The following PPA2 variants were observed in gnomAD, a reference collection of about 807,000 sequenced individuals.
PPA2 encodes the protein inorganic pyrophosphatase 2, mitochondrial.
PPA2 carries 48 observed loss-of-function variants against 49.5 expected under a neutral mutation model. The ratio of observed to expected loss-of-function variants is 0.97; its 90% CI spans 0.77 to 1.23. The LOEUF is 1.23. PPA2 is among the 50% of genes most tolerant of loss of function. The probability of loss-of-function intolerance (pLI) is 0.00; values close to 1 mark genes in which losing one functional copy is unlikely to be tolerated. For missense variants in PPA2, 429 were observed against 410.1 expected (o/e 1.05, Z -0.40); for synonymous variants, 131 against 139.9 (o/e 0.94, Z 0.45).
chr4:105,408,773 T>G (rs1722602459), intron 7 of PPA2, among the ~76,000 whole-genome samples: 1 of 152,218 alleles, frequency 6.6e-6, no homozygotes, highest in South Asian at 2.1e-4. Context: ...ATTTTCAGAC[T>G]GTGCTAAAAG....
At position 105,399,068 on chromosome 4, in the gene PPA2, T is replaced by A. The variant is rs148930323; in HGVS notation, c.752A>T (p.Gln251Leu). 81 of 1,608,426 alleles carry A rather than the reference T, an allele frequency of 5.0e-5. No homozygotes were observed. The highest frequency in any genetic ancestry group is 5.0e-4 in the Middle Eastern group (3 of 6,026). The change falls in exon 8 of 12, where the codon CAG (glutamine) becomes CTG (leucine). Residue 251 changes from glutamine to leucine, a missense_variant. By Grantham distance (113) the Gln-to-Leu change is moderately radical. Coordinates refer to ENST00000341695, the MANE Select transcript of PPA2 (RefSeq NM_176869.3). ...TTTGAATTCTCCATTAAAAGCAAAC[T>A]GGTTTTCTGGTTTTCCATCTGGTAC... ...YKVPDGKPEN[Q>L]FAFNGEFKNK...
chr4:105,377,510 A>G (rs1331121637), intron 10 of PPA2, among the ~76,000 whole-genome samples: 1 of 152,154 alleles, frequency 6.6e-6, no homozygotes, highest in African/African-American at 2.4e-5. Context: ...AGATAATCTG[A>G]CTTCAGAAAA....
intron 5 of PPA2, 127 bp from the exon 6 acceptor site, chr4:105,438,163 T>C (rs1346808772): frequency 1.0e-5 from 7 of 685,062 alleles, no homozygotes; most frequent in East Asian, 2.8e-5. Flanking sequence ...AGAAATTACA[T>C]AGGCCCAAGG....
chr4:105,377,975 C>T (rs1322158335), intron 10 of PPA2, among the ~76,000 whole-genome samples: 2 of 152,046 alleles, frequency 1.3e-5, no homozygotes, highest in East Asian at 3.9e-4. Flanking sequence ...TTCTGTCTAT[C>T]ACAAAGAAAG....
chr4:105,370,959 T>C, intron 10 of PPA2, 86 bp from the exon 11 acceptor site: 4 of 1,301,272 alleles, frequency 3.1e-6, no homozygotes, highest in East Asian at 3.0e-5. Flanking sequence ...CACGAAATTA[T>C]AGAAGAAAGT....
intron 9 of PPA2, among the ~76,000 whole-genome samples, chr4:105,394,891 A>AC (rs1560610474): frequency 6.6e-6 from 1 of 151,880 alleles, no homozygotes; most frequent in Non-Finnish European, 1.5e-5. Context: ...ACAATCACAG[A>AC]CCCCCTCCTC....
chr4:105,439,889 G>A (rs1004293819), intron 5 of PPA2, among the ~76,000 whole-genome samples: 23 of 113,664 alleles, frequency 2.0e-4, no homozygotes, highest in Non-Finnish European at 3.7e-4. Flanking sequence ...TCCTGTGTGC[G>A]TGTTGTCACT....
intron 5 of PPA2, among the ~76,000 whole-genome samples, chr4:105,440,042 G>T (rs1219639286): frequency 6.6e-6 from 1 of 151,958 alleles, no homozygotes; most frequent in African/African-American, 2.4e-5. Flanking sequence ...ACCTACTGCA[G>T]AATCAGAAAA....
intron 7 of PPA2, 178 bp from the exon 8 acceptor site, chr4:105,399,342 T>A (rs1734269939): frequency 7.5e-6 from 4 of 535,736 alleles, no homozygotes; most frequent in Admixed American, 3.6e-5. Context: ...CAGACTTTTG[T>A]GTTTTCATAT....
chr4:105,374,283 G>T (rs1733148295), intron 10 of PPA2, among the ~76,000 whole-genome samples: 1 of 152,274 alleles, frequency 6.6e-6, no homozygotes, highest in Non-Finnish European at 1.5e-5. Context: ...TCCACGGCTG[G>T]GTGTGGTGGC....
At chr4:105,472,099 A>T (rs932091436) in intron 1 of PPA2, among the ~76,000 whole-genome samples, 1 of 152,192 alleles carries the variant, frequency 6.6e-6, no homozygotes, top group Non-Finnish European at 1.5e-5. Flanking sequence ...TATTCATCCA[A>T]TGCCTTCAGG....
At chr4:105,405,504 G>A in intron 7 of PPA2, 1 of 919,172 alleles carries the variant, frequency 1.1e-6, no homozygotes, top group Non-Finnish European at 1.3e-6. Context: ...GGAATGGAGA[G>A]GGAATATATA....
At chr4:105,407,085 A>C (rs1193113681) in intron 7 of PPA2, 1 of 115,940 alleles carries the variant, frequency 8.6e-6, no homozygotes, top group East Asian at 3.1e-4. Context: ...GAAGTGTTCC[A>C]TATTAAAAAA....
At chr4:105,399,235 G>T (rs2110394871) in intron 7 of PPA2, 71 bp from the exon 8 acceptor site, 1 of 1,454,570 alleles carries the variant, frequency 6.9e-7, no homozygotes, top group South Asian at 1.3e-5. Context: ...CAGAGCATTG[G>T]ACTGAGGGAG....
chr4:105,462,739 G>C (rs1467540898), intron 1 of PPA2, among the ~76,000 whole-genome samples: 1 of 152,176 alleles, frequency 6.6e-6, no homozygotes, highest in Non-Finnish European at 1.5e-5. Context: ...CTCAGTGGGA[G>C]GTAACTGAAT....
intron 8 of PPA2, chr4:105,398,471 C>T (rs1734232126): frequency 6.6e-6 from 1 of 152,062 alleles, no homozygotes; most frequent in Non-Finnish European, 1.5e-5. Context: ...ATTCAATTTA[C>T]CTAGTGGTAA....
intron 7 of PPA2, among the ~76,000 whole-genome samples, chr4:105,406,817 G>A (rs909390697): frequency 1.3e-5 from 2 of 152,012 alleles, no homozygotes; most frequent in African/African-American, 4.8e-5. Context: ...TGTTGTTCAG[G>A]GGTCAACTGT....
intron 9 of PPA2, among the ~76,000 whole-genome samples, chr4:105,395,599 C>T (rs986496200): frequency 2.0e-5 from 3 of 151,982 alleles, no homozygotes; most frequent in Non-Finnish European, 4.4e-5. Flanking sequence ...CCCTAAAAAG[C>T]CTCAATAAAG....
At chr4:105,460,327 C>T (rs1032696184) in intron 1 of PPA2, among the ~76,000 whole-genome samples, 2 of 152,020 alleles carry the variant, frequency 1.3e-5, no homozygotes, top group African/African-American at 4.8e-5. Context: ...TTTCTTTCCA[C>T]CCTCCCCCAC....
Sources: allele counts gnomAD v4.1 joint callset (sites outside exome capture counted in the v4.1 genomes callset), GRCh38; gene constraint gnomAD v4.1.1; transcripts MANE v1.5; gene names NCBI Gene and HGNC (gene_info 2026-07-23, HGNC 2026-07-21).